NTRK3: variants seen among roughly 807,000 people sequenced by gnomAD.
The protein encoded by NTRK3 is NT-3 growth factor receptor.
NTRK3 carries 24 observed loss-of-function variants against 91.7 expected under a neutral mutation model. The observed-to-expected ratio is 0.26, with a 90% CI of 0.19 to 0.37. NTRK3 has a LOEUF of 0.37. Ranked by LOEUF, NTRK3 falls within the 10% of genes least tolerant of loss-of-function variation. The probability of loss-of-function intolerance (pLI) is 1.00; values close to 1 mark genes in which losing one functional copy is unlikely to be tolerated. For missense variants in NTRK3, 880 were observed against 1,068.9 expected (o/e 0.82, Z 2.46); for synonymous variants, 483 against 404.0 (o/e 1.20, Z -2.34).
chr15:87,880,576 G>A (rs2065186479), intron 17 of NTRK3, 148 bp from the exon 19 acceptor site: 1 of 965,972 alleles, frequency 1.0e-6, no homozygotes, highest in African/African-American at 1.6e-5. Context: ...AGAGGTGTGT[G>A]AAGATGCTGA....
At chr15:87,897,607 G>T (rs1362652763) in intron 17 of NTRK3, among the ~76,000 whole-genome samples, 1 of 151,902 alleles carries the variant, frequency 6.6e-6, no homozygotes, top group Non-Finnish European at 1.5e-5. Flanking sequence ...CCAAATGCAG[G>T]TTATAATACC....
intron 14 of NTRK3, among the ~76,000 whole-genome samples, chr15:87,956,219 G>A (rs2071640116): frequency 6.6e-6 from 1 of 152,192 alleles, no homozygotes; most frequent in Non-Finnish European, 1.5e-5. Context: ...ATTTAAAAGT[G>A]CCCAAATAAC....
intron 13 of NTRK3, among the ~76,000 whole-genome samples, chr15:88,070,659 A>C: frequency 6.7e-6 from 1 of 148,692 alleles, no homozygotes; most frequent in African/African-American, 2.5e-5. Flanking sequence ...CCCTCCACCC[A>C]CTCCCCCAGC....
exon 19 of NTRK3, chr15:87,863,056 G>C (rs1288676844): frequency 4.3e-6 from 1 of 230,728 alleles, no homozygotes; most frequent in Non-Finnish European, 8.6e-6. Flanking sequence ...CAAGTCAGTG[G>C]TATGTTATAA....
chr15:88,145,309 AAT>A (rs1364150990), intron 6 of NTRK3, among the ~76,000 whole-genome samples: 1 of 152,190 alleles, frequency 6.6e-6, no homozygotes, highest in Non-Finnish European at 1.5e-5. Flanking sequence ...TTCTTCAAAA[AAT>A]AGACCCCTAC....
Position 88,047,822 on chromosome 15 carries a change from T to C in NTRK3, c.1397-14777A>G, listed in dbSNP as rs115380564. Among the ~76,000 whole-genome samples, 975 of 152,198 alleles carry C rather than the reference T, an allele frequency of 6.4e-3. 14 individuals are homozygous for C. The highest frequency in any genetic ancestry group is 0.022 in the African/African-American group (925 of 41,506). ...CCCCTTTGGTCTGGATGAAAAATGG[T>C]GTAGTAAGCCTGATAAAAAGTAACT... On this transcript the variant is annotated intron_variant, in intron 13 of 18. Transcript: ENST00000394480.
At chr15:88,182,328 C>T (rs2151601336) in intron 5 of NTRK3, among the ~76,000 whole-genome samples, 1 of 152,282 alleles carries the variant, frequency 6.6e-6, no homozygotes, top group South Asian at 2.1e-4. Context: ...AACTCCTCCA[C>T]CAGGATTCAC....
At chr15:88,048,391 A>G (rs1470254855) in intron 13 of NTRK3, among the ~76,000 whole-genome samples, 1 of 152,214 alleles carries the variant, frequency 6.6e-6, no homozygotes, top group Non-Finnish European at 1.5e-5. Flanking sequence ...GGAGACAGAC[A>G]GCTCTGACAG....
intron 17 of NTRK3, among the ~76,000 whole-genome samples, chr15:87,921,659 C>T (rs1240511736): frequency 6.6e-6 from 1 of 152,138 alleles, no homozygotes; most frequent in African/African-American, 2.4e-5. Flanking sequence ...GAGAGCTCTC[C>T]AGTCTTAATC....
intron 5 of NTRK3, among the ~76,000 whole-genome samples, chr15:88,168,650 G>A (rs895548397): frequency 1.3e-5 from 2 of 152,192 alleles, no homozygotes; most frequent in African/African-American, 4.8e-5. Flanking sequence ...CCTCCTGCAG[G>A]GAGTGAGCTG....
At chr15:87,907,661 C>T (rs2066853116) in intron 17 of NTRK3, among the ~76,000 whole-genome samples, 1 of 152,088 alleles carries the variant, frequency 6.6e-6, no homozygotes, top group Admixed American at 6.6e-5. Context: ...CTTGTGTCTT[C>T]TTAGTCTGGG....
intron 5 of NTRK3, among the ~76,000 whole-genome samples, chr15:88,182,857 G>C (rs533975033): frequency 6.6e-6 from 1 of 152,080 alleles, no homozygotes; most frequent in Admixed American, 6.5e-5. Flanking sequence ...GCACAGACAG[G>C]AACCCCCACC....
chr15:88,066,845 A>T (rs144085881), intron 13 of NTRK3, among the ~76,000 whole-genome samples: 3 of 152,314 alleles, frequency 2.0e-5, no homozygotes, highest in African/African-American at 7.2e-5. Context: ...TTGTACAGGC[A>T]GCCTGCCAAA....
chr15:87,861,344 A>G (rs1012524890), exon 19 of NTRK3: 1 of 215,532 alleles, frequency 4.6e-6, no homozygotes, highest in Non-Finnish European at 9.4e-6. Flanking sequence ...GATTTTCCAG[A>G]TATTGAAAGT....
chr15:88,214,850 C>T (rs1475603280), intron 3 of NTRK3, among the ~76,000 whole-genome samples: 1 of 152,172 alleles, frequency 6.6e-6, no homozygotes, highest in Non-Finnish European at 1.5e-5. Flanking sequence ...GGAGGTGAGC[C>T]CCTGAAGTGC....
intron 6 of NTRK3, 39 bp from the exon 7 acceptor site, chr15:88,137,600 G>T: frequency 6.8e-6 from 11 of 1,606,918 alleles, no homozygotes; most frequent in Non-Finnish European, 9.3e-6. Context: ...CCTCTGAACC[G>T]AAGATGGCCC....
chr15:88,099,726 C>G (rs1025611674), intron 13 of NTRK3, among the ~76,000 whole-genome samples: 1 of 152,188 alleles, frequency 6.6e-6, no homozygotes, highest in Non-Finnish European at 1.5e-5. Context: ...GTGGGGGAAA[C>G]TTAAAAGCAA....
chr15:87,948,261 G>A (rs1050450936), intron 14 of NTRK3, among the ~76,000 whole-genome samples: 3 of 152,220 alleles, frequency 2.0e-5, no homozygotes, highest in African/African-American at 7.2e-5. Flanking sequence ...ATCCCTGGAT[G>A]ATTTATAGAC....
intron 17 of NTRK3, among the ~76,000 whole-genome samples, chr15:87,888,159 A>G (rs904645298): frequency 6.6e-6 from 1 of 152,134 alleles, no homozygotes; most frequent in Non-Finnish European, 1.5e-5. Flanking sequence ...CATGCTCACA[A>G]AGAGGATGAG....
Sources: gnomAD v4.1 joint callset for allele counts (sites outside exome capture counted in the v4.1 genomes callset) on GRCh38, gnomAD v4.1.1 for gene constraint, MANE v1.5 for transcripts, NCBI Gene and HGNC (gene_info 2026-07-23, HGNC 2026-07-21) for gene names.